RFX7: variants seen among roughly 807,000 people sequenced by gnomAD.
The protein encoded by RFX7 is DNA-binding protein RFX7.
A neutral mutation model predicts 111.8 loss-of-function variants in RFX7; 26 were observed. The observed-to-expected ratio is 0.23, with a 90% confidence interval of 0.17 to 0.32. The LOEUF (loss-of-function observed/expected upper bound fraction) is 0.32. RFX7 is among the 10% of genes least tolerant of loss of function. RFX7 has a pLI of 1.00. For synonymous variants in RFX7, 624 were observed against 624.4 expected (o/e 1.00, Z 0.01); for missense variants, 1,573 against 1,772.9 (o/e 0.89, Z 2.02).
chr15:56,107,335 GT>G (rs372523526), intron 5 of RFX7, among the ~76,000 whole-genome samples: 8,112 of 114,606 alleles, frequency 0.071, 344 homozygotes, highest in Non-Finnish European at 0.1. Flanking sequence ...AGAAAGAATT[GT>G]TTTTTTTTTT....
intron 3 of RFX7, 189 bp downstream of exon 3, chr15:56,179,081 G>C (rs2042934433): frequency 5.2e-6 from 1 of 191,792 alleles, no homozygotes; most frequent in Non-Finnish European, 1.1e-5. Context: ...TTTTATTATT[G>C]ATGAGATACA....
chr15:56,214,705 A>T (rs2043346073), intron 2 of RFX7, among the ~76,000 whole-genome samples: 1 of 138,306 alleles, frequency 7.2e-6, no homozygotes. Context: ...AAAGAGCGAG[A>T]CTCTGTCTCA....
rs1011694686 is a variant in RFX7, at chr15:56,087,414, C to T, written c.*5931G>A. The T allele has an allele frequency of 1.1e-5, 5 of 456,556 alleles. No homozygotes were observed. Among genetic ancestry groups the T allele is most frequent in the South Asian group, 4.6e-5 (3 of 64,570 alleles). The allele number at this position is 456,556 out of a possible 1,614,324, so 28.3% of individuals were successfully genotyped here. ...TCCTTGTATCTTGTTGCTCAATCAT[C>T]CTCAGCATGTGTCTTTAACATGAAG... is the stretch of plus-strand genomic sequence containing the variant. On this transcript the variant is annotated 3_prime_UTR_variant, in exon 10 of 10. Transcript: ENST00000559447.
intron 5 of RFX7, among the ~76,000 whole-genome samples, chr15:56,114,531 A>G (rs144558936): frequency 6.6e-6 from 1 of 151,994 alleles, no homozygotes; most frequent in Non-Finnish European, 1.5e-5. Context: ...ATGATATAGT[A>G]TGTTGAACAA....
At chr15:56,161,942 T>C (rs541132175) in intron 3 of RFX7, among the ~76,000 whole-genome samples, 16 of 152,168 alleles carry the variant, frequency 1.1e-4, no homozygotes, top group African/African-American at 3.6e-4. Flanking sequence ...CTGACCATCA[T>C]AGGATCATCA....
In RFX7 at chr15:56,184,515, C is replaced by T. The variant is rs75486532; in HGVS notation, c.162-5212G>A. On this transcript the variant is annotated intron_variant, in intron 2 of 9. Coordinates refer to ENST00000559447, the MANE Select transcript of RFX7 (RefSeq NM_022841.7). ...ATAGAAGATATCCTTGTTTTGTTTCCGCATTAAAGAATTTACTTCTAAACT... is the reference window on the plus strand; with the variant it reads ...ATAGAAGATATCCTTGTTTTGTTTCTGCATTAAAGAATTTACTTCTAAACT... Among the ~76,000 whole-genome samples the T allele has an allele frequency of 3.6e-3, 540 of 151,986 alleles. 5 individuals carry two copies. The highest frequency in any genetic ancestry group is 0.017 in the South Asian group (82 of 4,808).
rs575975989 is a variant in RFX7 at position 56,119,041 on chromosome 15, AT to A, written c.402-15372del. Among the ~76,000 whole-genome samples, 2 of 151,832 alleles carry A rather than the reference AT, an allele frequency of 1.3e-5. 1 individual carries two copies. The highest frequency in any genetic ancestry group is 4.2e-4 in the South Asian group (2 of 4,814). On this transcript the variant is annotated intron_variant, in intron 5 of 9. Coordinates refer to ENST00000559447, the MANE Select transcript of RFX7 (RefSeq NM_022841.7). ...TGCCCATTTTAAATCAAATTATTAG[AT>A]TTTTTTTCTATAGAGTTGTTTGAGC...
At chr15:56,118,121 T>C (rs1199958056) in intron 5 of RFX7, among the ~76,000 whole-genome samples, 1 of 152,134 alleles carries the variant, frequency 6.6e-6, no homozygotes, top group Admixed American at 6.5e-5. Flanking sequence ...AGGCATACAA[T>C]GTGTAATAAT....
chr15:56,230,766 AGAGT>A (rs1281293682), intron 2 of RFX7, among the ~76,000 whole-genome samples: 5 of 152,240 alleles, frequency 3.3e-5, no homozygotes, highest in Non-Finnish European at 7.3e-5. Context: ...CGAATGTTTC[AGAGT>A]ACTTGAGCTA....
intron 3 of RFX7, among the ~76,000 whole-genome samples, chr15:56,168,011 C>G (rs2141102371): frequency 6.6e-6 from 1 of 152,274 alleles, no homozygotes; most frequent in Non-Finnish European, 1.5e-5. Context: ...TGATTATAAG[C>G]TCATACTTCA....
chr15:56,097,737 A>C (rs1316710545), intron 9 of RFX7, among the ~76,000 whole-genome samples: 1 of 113,302 alleles, frequency 8.8e-6, no homozygotes, highest in Non-Finnish European at 1.8e-5. Flanking sequence ...ACAGAGCAAG[A>C]CTCTGTCTCA....
In RFX7 at chr15:56,096,604, T is replaced by G. The variant is rs113037899; in HGVS notation, c.1124A>C (p.Gln375Pro). 398 of 1,584,594 alleles carry G rather than the reference T, an allele frequency of 2.5e-4. 1 individual carries two copies. The highest frequency in any genetic ancestry group is 5.0e-4 in the Middle Eastern group (3 of 6,030). The change falls in exon 10 of 10, where the codon CAA (glutamine) becomes CCA (proline). Residue 375 changes from glutamine (Q) to proline (P), a missense_variant. Gln to Pro is a moderately conservative substitution (Grantham distance 76). Transcript: ENST00000559447. ...PSPIPVQRTR[Q>P]LVTSPSPMSS... The stretch of plus-strand genomic sequence containing the variant: ...CATTGGACTCGGTGAAGTTACCAAT[T>G]GCCTAGTCCGCTGGACCTGTTAAAA...
intron 5 of RFX7, among the ~76,000 whole-genome samples, chr15:56,128,686 A>G (rs1280947568): frequency 6.6e-6 from 1 of 152,168 alleles, no homozygotes; most frequent in Non-Finnish European, 1.5e-5. Flanking sequence ...ATTTCTATTC[A>G]ACACTGTACT....
intron 5 of RFX7, among the ~76,000 whole-genome samples, chr15:56,109,131 A>G (rs2041872153): frequency 6.6e-6 from 1 of 152,080 alleles, no homozygotes; most frequent in South Asian, 2.1e-4. Context: ...ATCTCGGCTC[A>G]CTGCAACCTC....
intron 2 of RFX7, among the ~76,000 whole-genome samples, chr15:56,198,464 C>A (rs1487263345): frequency 2.6e-5 from 4 of 152,096 alleles, no homozygotes; most frequent in Non-Finnish European, 5.9e-5. Flanking sequence ...AGTATTCTTG[C>A]TGAAATATTG....
rs141930482 is a variant in RFX7, at chr15:56,210,127, A to C, written c.162-30824T>G. Among the ~76,000 whole-genome samples the C allele has an allele frequency of 4.1e-3, 630 of 152,140 alleles. 3 individuals are homozygous for C. The highest frequency in any genetic ancestry group is 0.014 in the African/African-American group (596 of 41,554). ...AAGGATACATACAGATTAAAAGTAT[A>C]TGGATGGAAAAAGATATGTCATGCT... On this transcript the variant is annotated intron_variant, in intron 2 of 9. Transcript: ENST00000559447.
rs2041750808 is a variant in RFX7 at position 56,101,398 on chromosome 15, A to T, written c.772T>A (p.Ser258Thr). The T allele has an allele frequency of 6.2e-7, 1 of 1,607,742 alleles. No individual in the cohort carries two copies. Among genetic ancestry groups the T allele is most frequent in the South Asian group, 1.1e-5 (1 of 89,694 alleles). The part of the protein sequence containing the change: ...LVKSHYIGTK[S>T]MAALTVMAAA... The stretch of plus-strand genomic sequence containing the variant: ...GCCATTACAGTTAGAGCTGCCATTG[A>T]CTTGGTGCCTATATAGTGACTTTTT... Residue 258 changes from serine (S) to threonine (T), a missense_variant, in exon 8 of 10, where the codon TCA becomes ACA. By Grantham distance (58) the Ser-to-Thr change is moderately conservative. This residue lies in a region of RFX7 where 288 missense variants were observed against 337.9 expected (regional missense o/e 0.85). Transcript: ENST00000559447.
At chr15:56,138,759 T>G (rs4774233) in intron 5 of RFX7, among the ~76,000 whole-genome samples, 147,949 of 152,044 alleles carry the variant, frequency 0.97, 72,118 homozygotes, top group East Asian at 1. Context: ...GGTACTGGTT[T>G]TTCCTTTCCA....
intron 3 of RFX7, among the ~76,000 whole-genome samples, chr15:56,153,285 G>A (rs1234445094): frequency 6.6e-6 from 1 of 152,170 alleles, no homozygotes; most frequent in Non-Finnish European, 1.5e-5. Flanking sequence ...CAATATCCCT[G>A]ATGAACATCG....
Sources: gnomAD v4.1 joint callset for allele counts (sites outside exome capture counted in the v4.1 genomes callset) on GRCh38, gnomAD v4.1.1 for gene constraint, gnomAD v4.1.1 regional missense constraint, MANE v1.5 for transcripts, NCBI Gene and HGNC (gene_info 2026-07-23, HGNC 2026-07-21) for gene names.